Variants in CPPED1 observed in about 807,000 individuals in gnomAD.
CPPED1 encodes the protein calcineurin like phosphoesterase domain containing 1.
CPPED1 carries 28 observed loss-of-function variants against 28.0 expected under a neutral mutation model. The ratio of observed to expected loss-of-function variants is 1.00; its 90% CI spans 0.74 to 1.37. The LOEUF (loss-of-function observed/expected upper bound fraction) is 1.37, where lower values mean the gene tolerates loss of function less well. CPPED1 is among the 40% of genes most tolerant of loss of function. The probability of loss-of-function intolerance (pLI) is 0.00; values close to 1 mark genes in which losing one functional copy is unlikely to be tolerated. For synonymous variants in CPPED1, 198 were observed against 180.2 expected, an observed-to-expected ratio of 1.10 and a Z score of -0.79; for missense variants, 504 against 416.5, an observed-to-expected ratio of 1.21 and a Z score of -1.83.
chr16:12,759,290 C>G (rs1034518228), intron 2 of CPPED1: 2 of 152,246 alleles, frequency 1.3e-5, no homozygotes, highest in Admixed American at 6.5e-5. Flanking sequence ...CACAGAGCCC[C>G]GCTTGATGGC....
intron 2 of CPPED1, among the ~76,000 whole-genome samples, chr16:12,748,581 T>C (rs955463433): frequency 6.6e-6 from 1 of 152,178 alleles, no homozygotes; most frequent in Non-Finnish European, 1.5e-5. Flanking sequence ...CACTCCGCTG[T>C]AGTCTATTAA....
rs13330609 is a variant in CPPED1 at position 12,752,667 on chromosome 16, A to G, written c.289+28518T>C. Among the ~76,000 whole-genome samples the G allele has an allele frequency of 9.0e-3, 1,331 of 147,090 alleles. 25 individuals are homozygous for G. Among genetic ancestry groups the G allele is most frequent in the African/African-American group, 0.03 (1,236 of 40,730 alleles). On this transcript the variant is annotated intron_variant, in intron 2 of 3. Coordinates refer to ENST00000381774, the MANE Select transcript of CPPED1 (RefSeq NM_018340.3). ...ATGTTTATATATTATATGATATATA[A>G]TATATATTTATATATATAAAATCTT...
At chr16:12,741,793 G>A (rs4781328) in intron 2 of CPPED1, among the ~76,000 whole-genome samples, 78,127 of 152,044 alleles carry the variant, frequency 0.51, 20,814 homozygotes, top group Admixed American at 0.61. Context: ...GTTCACGCCC[G>A]TAATCCCAGT....
At chr16:12,673,504 G>C (rs943883519) in intron 3 of CPPED1, among the ~76,000 whole-genome samples, 5 of 152,222 alleles carry the variant, frequency 3.3e-5, no homozygotes, top group Admixed American at 3.3e-4. Context: ...ACTCATTTAT[G>C]TTTAAGTTTC....
At chr16:12,691,523 T>C (rs533959278) in intron 3 of CPPED1, among the ~76,000 whole-genome samples, 3 of 152,254 alleles carry the variant, frequency 2.0e-5, no homozygotes, top group South Asian at 2.1e-4. Context: ...CATATGTTTA[T>C]TGCGGCATTA....
At chr16:12,718,487 C>T (rs959336892) in intron 2 of CPPED1, among the ~76,000 whole-genome samples, 2 of 140,462 alleles carry the variant, frequency 1.4e-5, no homozygotes, top group African/African-American at 5.4e-5. Flanking sequence ...TGTAGTGAGC[C>T]GAAATTGTGC....
In CPPED1 at chr16:12,682,275, T is replaced by C. The variant is rs2079909133; in HGVS notation, c.716-17160A>G. 6.6e-6 allele frequency among the ~76,000 whole-genome samples: 1 copy of C among 152,102 alleles called. No homozygotes were observed. Among genetic ancestry groups the C allele is most frequent in the African/African-American group, 2.4e-5 (1 of 41,408 alleles). On this transcript the variant is annotated intron_variant, in intron 3 of 3. Coordinates refer to ENST00000381774, the MANE Select transcript of CPPED1 (RefSeq NM_018340.3). The surrounding 1 kb of genome is among the most constrained non-coding windows in gnomAD (Gnocchi z 6.1). The stretch of plus-strand genomic sequence containing the variant: ...ATCTCAAACTCCTGAACTCAGGTGA[T>C]CGACCCACTTTGGTCTCCCAAAAGT...
chr16:12,686,990 G>C (rs531332324), intron 3 of CPPED1, among the ~76,000 whole-genome samples: 8 of 152,028 alleles, frequency 5.3e-5, no homozygotes. Flanking sequence ...CCCATTGCCC[G>C]CTTTCTGATG....
chr16:12,779,732 G>A (rs1421417348), intron 2 of CPPED1, among the ~76,000 whole-genome samples: 1 of 151,592 alleles, frequency 6.6e-6, no homozygotes, highest in Non-Finnish European at 1.5e-5. Flanking sequence ...CCAGAAAAAA[G>A]AGCCACCATG....
At chr16:12,719,583 C>T (rs1407088257) in intron 2 of CPPED1, among the ~76,000 whole-genome samples, 1 of 152,052 alleles carries the variant, frequency 6.6e-6, no homozygotes, top group Non-Finnish European at 1.5e-5. Context: ...TCCTTATATA[C>T]CTTACCTATA....
chr16:12,736,122 A>T (rs1046042439), intron 2 of CPPED1, among the ~76,000 whole-genome samples: 1 of 152,138 alleles, frequency 6.6e-6, no homozygotes, highest in Non-Finnish European at 1.5e-5. Context: ...GGCAGTCCTT[A>T]TATCTAGGGA....
intron 3 of CPPED1, among the ~76,000 whole-genome samples, chr16:12,669,562 G>C (rs945558610): frequency 2.6e-5 from 4 of 152,216 alleles, no homozygotes; most frequent in African/African-American, 7.2e-5. Flanking sequence ...CAACGGATTA[G>C]AGTTGGAGAT....
intron 2 of CPPED1, among the ~76,000 whole-genome samples, chr16:12,740,489 GTAT>G (rs1269820373): frequency 6.6e-6 from 1 of 151,146 alleles, no homozygotes; most frequent in African/African-American, 2.4e-5. Context: ...GTAGCCAAAA[GTAT>G]TCCTAGTGCA....
In CPPED1 at chr16:12,699,735, T is replaced by C. The variant is rs185956071; in HGVS notation, c.715+4889A>G. On this transcript the variant is annotated intron_variant, in intron 3 of 3. Transcript: ENST00000381774. ...GAGCTTTTGACATATTTTTGAGTACTGGCATTTCAGCACAAGGAGATAAAT... is the reference window on the plus strand; with the variant it reads ...GAGCTTTTGACATATTTTTGAGTACCGGCATTTCAGCACAAGGAGATAAAT... Among the ~76,000 whole-genome samples, 919 of 152,290 alleles carry C rather than the reference T, an allele frequency of 6.0e-3. 7 individuals are homozygous for C. The highest frequency in any genetic ancestry group is 0.021 in the African/African-American group (884 of 41,560).
intron 1 of CPPED1, among the ~76,000 whole-genome samples, chr16:12,788,163 T>C (rs1340124794): frequency 6.6e-6 from 1 of 152,170 alleles, no homozygotes; most frequent in Non-Finnish European, 1.5e-5. Flanking sequence ...GCTACAATCT[T>C]ATATAACATC....
intron 3 of CPPED1, among the ~76,000 whole-genome samples, chr16:12,703,165 T>A (rs969159280): frequency 6.6e-6 from 1 of 152,246 alleles, no homozygotes; most frequent in Admixed American, 6.5e-5. Flanking sequence ...TCAAGACAGT[T>A]TTCTGCACCA....
intron 1 of CPPED1, among the ~76,000 whole-genome samples, chr16:12,793,934 C>T (rs1484198376): frequency 6.6e-6 from 1 of 152,192 alleles, no homozygotes; most frequent in East Asian, 1.9e-4. Context: ...CAACAAAATG[C>T]AATTTTTGCA....
intron 3 of CPPED1, among the ~76,000 whole-genome samples, chr16:12,674,883 T>TG (rs2079870279): frequency 6.6e-6 from 1 of 152,190 alleles, no homozygotes; most frequent in Admixed American, 6.5e-5. Flanking sequence ...GGCAGAGGTC[T>TG]GGGGGGGAGC....
chr16:12,715,135 T>C (rs1189991264), intron 2 of CPPED1, among the ~76,000 whole-genome samples: 2 of 152,224 alleles, frequency 1.3e-5, no homozygotes, highest in Admixed American at 6.5e-5. Flanking sequence ...TTCTCAATTC[T>C]AATCCATTAA....
Sources: gnomAD v4.1 joint callset for allele counts (sites outside exome capture counted in the v4.1 genomes callset) on GRCh38, gnomAD v4.1.1 for gene constraint, Gnocchi (gnomAD v3.1) non-coding constraint, MANE v1.5 for transcripts, NCBI Gene and HGNC (gene_info 2026-07-23, HGNC 2026-07-21) for gene names.